The following WWOX variants were observed in gnomAD, a reference collection of about 807,000 sequenced individuals.
WWOX encodes WW domain-containing oxidoreductase.
In WWOX, 69 loss-of-function variants were observed where a neutral mutation model predicts 46.2. The observed-to-expected ratio is 1.49, with a 90% CI of 1.23 to 1.82. The LOEUF is 1.82. WWOX is among the 40% of genes most tolerant of loss of function. The pLI is 0.00. For missense variants in WWOX, 919 were observed against 542.6 expected (o/e 1.69, Z -6.89); for synonymous variants, 359 against 202.6 (o/e 1.77, Z -6.56).
At chr16:78,186,189 A>G (rs2035697020) in intron 5 of WWOX, among the ~76,000 whole-genome samples, 1 of 152,172 alleles carries the variant, frequency 6.6e-6, no homozygotes. Context: ...TTTGAGACAT[A>G]CTAGGTTAAA....
In WWOX at chr16:79,109,351, A is replaced by C. The variant is rs12597650; in HGVS notation, c.1057-102257A>C. Among the ~76,000 whole-genome samples, 659 of 152,064 alleles carry C rather than the reference A, an allele frequency of 4.3e-3. 33 individuals carry two copies. The East Asian group carries it at 0.085, about 20-fold the overall frequency. On this transcript the variant is annotated intron_variant, in intron 8 of 8. Transcript: ENST00000566780. ...ACTTTAAAAAGATTTAACAAAGACT[A>C]CCTCCACTAGCTAAGCTGAAATAAG... is the stretch of plus-strand genomic sequence containing the variant.
intron 5 of WWOX, among the ~76,000 whole-genome samples, chr16:78,299,559 C>A (rs1271969449): frequency 6.7e-6 from 1 of 150,178 alleles, no homozygotes; most frequent in Non-Finnish European, 1.5e-5. Context: ...TGCTCTGTCA[C>A]CCAGCCTGGA....
At chr16:78,767,224 G>A (rs574267596) in intron 8 of WWOX, among the ~76,000 whole-genome samples, 1 of 152,032 alleles carries the variant, frequency 6.6e-6, no homozygotes, top group African/African-American at 2.4e-5. Context: ...GGGCTTCAGT[G>A]ATCCTCCCAC....
intron 8 of WWOX, among the ~76,000 whole-genome samples, chr16:78,690,513 C>G (rs567402826): frequency 6.6e-6 from 1 of 152,170 alleles, no homozygotes; most frequent in African/African-American, 2.4e-5. Context: ...GATCGTGACA[C>G]TGTACTGCAG....
At chr16:79,104,524 A>G (rs1459048672) in intron 8 of WWOX, among the ~76,000 whole-genome samples, 3 of 152,232 alleles carry the variant, frequency 2.0e-5, no homozygotes, top group Non-Finnish European at 4.4e-5. Context: ...AATTTCCGAG[A>G]AATATTAGTT....
chr16:79,202,336 C>T (rs746895341), intron 8 of WWOX, among the ~76,000 whole-genome samples: 1 of 152,086 alleles, frequency 6.6e-6, no homozygotes, highest in African/African-American at 2.4e-5. Flanking sequence ...ATGGGAATGA[C>T]GGGACCCTCA....
chr16:78,228,624 G>A, intron 5 of WWOX, among the ~76,000 whole-genome samples: 1 of 152,274 alleles, frequency 6.6e-6, no homozygotes, highest in African/African-American at 2.4e-5. Flanking sequence ...TTACAGGTGT[G>A]AGCCACTGTA....
chr16:79,073,261 C>T (rs898388060), intron 8 of WWOX, among the ~76,000 whole-genome samples: 2 of 151,854 alleles, frequency 1.3e-5, no homozygotes, highest in African/African-American at 2.4e-5. Flanking sequence ...CTCACTGCGA[C>T]CTCCACCTCT....
intron 8 of WWOX, among the ~76,000 whole-genome samples, chr16:78,941,471 T>C (rs1026555162): frequency 6.6e-6 from 1 of 152,054 alleles, no homozygotes; most frequent in Non-Finnish European, 1.5e-5. Flanking sequence ...CCTTTTTTTT[T>C]TTTTGTCAGT....
chr16:78,405,142 A>G (rs1445857003), intron 6 of WWOX, among the ~76,000 whole-genome samples: 2 of 152,206 alleles, frequency 1.3e-5, no homozygotes, highest in Non-Finnish European at 2.9e-5. Flanking sequence ...GGAAATGACA[A>G]AAACAAGAGT....
chr16:78,125,246 AG>A (rs1406299789), intron 4 of WWOX, among the ~76,000 whole-genome samples: 2 of 152,126 alleles, frequency 1.3e-5, no homozygotes, highest in African/African-American at 4.8e-5. Context: ...AGGAAAGAGA[AG>A]GGAGGTGAGG....
At chr16:78,655,082 T>C (rs1039483450) in intron 8 of WWOX, among the ~76,000 whole-genome samples, 1 of 152,154 alleles carries the variant, frequency 6.6e-6, no homozygotes. Context: ...TCACCTGGCC[T>C]GCATCCTGGT....
In WWOX at chr16:78,965,973, C is replaced by T. The variant is rs182237071; in HGVS notation, c.1057-245635C>T. ...AAAGTAGAGTTGGAGGAAGGAGATG[C>T]TGTGATTTGGTTCTGCACCTGAGAA... On this transcript the variant is annotated intron_variant, in intron 8 of 8. Transcript: ENST00000566780. 2.6e-3 allele frequency among the ~76,000 whole-genome samples: 399 copies of T among 152,244 alleles called. 1 individual carries two copies. Among genetic ancestry groups the T allele is most frequent in the African/African-American group, 8.8e-3 (365 of 41,542 alleles).
At chr16:78,865,583 A>G (rs2043985808) in intron 8 of WWOX, among the ~76,000 whole-genome samples, 1 of 152,176 alleles carries the variant, frequency 6.6e-6, no homozygotes, top group Non-Finnish European at 1.5e-5. Context: ...AGTGCAAGGA[A>G]TTGTGTGTGG....
At chr16:79,072,463 T>C (rs1405716340) in intron 8 of WWOX, among the ~76,000 whole-genome samples, 1 of 152,156 alleles carries the variant, frequency 6.6e-6, no homozygotes, top group Non-Finnish European at 1.5e-5. Context: ...GACTTGAAGA[T>C]TCAGAGAGGA....
chr16:78,207,604 C>G (rs1353104236), intron 5 of WWOX, among the ~76,000 whole-genome samples: 1 of 150,260 alleles, frequency 6.7e-6, no homozygotes, highest in African/African-American at 2.4e-5. Flanking sequence ...TTTTTGGTGA[C>G]TTGTTTCAGA....
chr16:79,103,401 G>T (rs917173490), intron 8 of WWOX, among the ~76,000 whole-genome samples: 2 of 152,180 alleles, frequency 1.3e-5, no homozygotes, highest in South Asian at 2.1e-4. Context: ...CAAAGCAAAC[G>T]CATTAGTGGG....
intron 8 of WWOX, among the ~76,000 whole-genome samples, chr16:79,024,731 G>A (rs537928817): frequency 6.6e-6 from 1 of 152,194 alleles, no homozygotes; most frequent in Admixed American, 6.5e-5. Flanking sequence ...CACCATGCCT[G>A]GCCCTGATTT....
chr16:78,626,078 T>C (rs1488202337), intron 8 of WWOX, among the ~76,000 whole-genome samples: 2 of 151,990 alleles, frequency 1.3e-5, no homozygotes, highest in South Asian at 2.1e-4. Context: ...AAAAATTTTT[T>C]ACCTAATGAC....
Sources: allele counts gnomAD v4.1 joint callset (sites outside exome capture counted in the v4.1 genomes callset), GRCh38; gene constraint gnomAD v4.1.1; transcripts MANE v1.5; gene names NCBI Gene and HGNC (gene_info 2026-07-23, HGNC 2026-07-21).